The following ATAD1 variants were observed in gnomAD, a reference collection of about 807,000 sequenced individuals.
The protein encoded by ATAD1 is outer mitochondrial transmembrane helix translocase.
A neutral mutation model predicts 42.7 loss-of-function variants in ATAD1; 18 were observed. The observed-to-expected ratio is 0.42, with a 90% CI of 0.29 to 0.63. The LOEUF is 0.63. ATAD1 is among the 20% of genes least tolerant of loss of function. The probability of loss-of-function intolerance (pLI) is 0.19; values close to 1 mark genes in which losing one functional copy is unlikely to be tolerated. For synonymous variants in ATAD1, 132 were observed against 143.1 expected, an observed-to-expected ratio of 0.92 and a Z score of 0.55; for missense variants, 294 against 440.4, an observed-to-expected ratio of 0.67 and a Z score of 2.98.
intron 8 of ATAD1, chr10:87,759,698 T>C (rs1854392500): frequency 5.6e-5 from 25 of 447,398 alleles, no homozygotes; most frequent in South Asian, 3.7e-4. Flanking sequence ...AGAGGTACCA[T>C]ACCCTAATGG....
intron 2 of ATAD1, among the ~76,000 whole-genome samples, chr10:87,799,027 G>A (rs1338094551): frequency 2.0e-5 from 3 of 152,064 alleles, no homozygotes. Flanking sequence ...GAAAATAAAA[G>A]TGCTTGGAAT....
chr10:87,770,249 A>G (rs1854965972), intron 7 of ATAD1, among the ~76,000 whole-genome samples: 1 of 152,174 alleles, frequency 6.6e-6, no homozygotes, highest in African/African-American at 2.4e-5. Context: ...ATGGCAACAC[A>G]TGTAACATGC....
At chr10:87,838,685 A>C (rs960192475) in intron 1 of ATAD1, among the ~76,000 whole-genome samples, 22 of 152,104 alleles carry the variant, frequency 1.4e-4, no homozygotes, top group Admixed American at 1.3e-3. Flanking sequence ...GTGGGGCATC[A>C]TGATGGGATT....
At chr10:87,767,524 C>T (rs1295990194) in intron 8 of ATAD1, 149 bp downstream of exon 8, 4 of 726,424 alleles carry the variant, frequency 5.5e-6, no homozygotes, top group African/African-American at 1.8e-5. Flanking sequence ...CAGTTCCTAA[C>T]AGGCCATAGA....
intron 1 of ATAD1, among the ~76,000 whole-genome samples, chr10:87,829,696 T>C (rs182569946): frequency 6.2e-4 from 94 of 152,334 alleles, no homozygotes; most frequent in African/African-American, 2.2e-3. Context: ...GAGAAGTCAC[T>C]GCAGATGTGG....
intron 1 of ATAD1, among the ~76,000 whole-genome samples, chr10:87,838,757 TCTC>T (rs1274884910): frequency 6.6e-6 from 1 of 152,078 alleles, no homozygotes; most frequent in Non-Finnish European, 1.5e-5. Context: ...TCTCTCTCTC[TCTC>T]CTTTTTGTGA....
chr10:87,766,103 C>A (rs9664653), intron 8 of ATAD1, among the ~76,000 whole-genome samples: 2,414 of 151,892 alleles, frequency 0.016, 63 homozygotes, highest in African/African-American at 0.054. Flanking sequence ...CATGTTGGCA[C>A]GAAGTTCCAT....
chr10:87,781,179 A>G (rs1855543016), intron 5 of ATAD1, among the ~76,000 whole-genome samples: 1 of 152,196 alleles, frequency 6.6e-6, no homozygotes, highest in Non-Finnish European at 1.5e-5. Flanking sequence ...GAAACAAACC[A>G]CTATTAAAAA....
At chr10:87,838,810 G>A (rs1224548152) in intron 1 of ATAD1, among the ~76,000 whole-genome samples, 1 of 152,218 alleles carries the variant, frequency 6.6e-6, no homozygotes, top group East Asian at 1.9e-4. Flanking sequence ...GCCAGAAAGA[G>A]AGGCCTCACC....
intron 1 of ATAD1, among the ~76,000 whole-genome samples, chr10:87,831,896 A>C (rs1171242922): frequency 6.6e-6 from 1 of 152,068 alleles, no homozygotes; most frequent in Non-Finnish European, 1.5e-5. Context: ...AACCTGTAGT[A>C]AGTACTATAA....
intron 6 of ATAD1, among the ~76,000 whole-genome samples, chr10:87,774,000 G>A (rs549494747): frequency 6.6e-6 from 1 of 152,058 alleles, no homozygotes; most frequent in African/African-American, 2.4e-5. Context: ...ATTTATCTAT[G>A]TTATGTTTTT....
At position 87,816,486 on chromosome 10, in the gene ATAD1, C is replaced by G. The variant is rs112891586; in HGVS notation, c.-14+1681G>C. ...GCATTTACTGAACATCTATATATGA[C>G]GCCCACTATATATTGGATATACAAT... On this transcript the variant is annotated intron_variant, in intron 1 of 9. Coordinates refer to ENST00000680024, the MANE Select transcript of ATAD1 (RefSeq NM_001321967.2). Among the ~76,000 whole-genome samples, 1,213 of 152,206 alleles carry G rather than the reference C, an allele frequency of 8.0e-3. 11 individuals carry two copies. Among genetic ancestry groups the G allele is most frequent in the African/African-American group, 0.028 (1,158 of 41,524 alleles).
At chr10:87,788,021 T>A (rs1301728267) in intron 4 of ATAD1, among the ~76,000 whole-genome samples, 2 of 152,210 alleles carry the variant, frequency 1.3e-5, no homozygotes, top group Non-Finnish European at 2.9e-5. Context: ...ATTTTAACTG[T>A]TGTAAATTTT....
chr10:87,796,633 T>C (rs1227561867), intron 2 of ATAD1, among the ~76,000 whole-genome samples: 1 of 152,206 alleles, frequency 6.6e-6, no homozygotes, highest in African/African-American at 2.4e-5. Context: ...TCCCGTGTAC[T>C]CAACCTTGGC....
intron 8 of ATAD1, among the ~76,000 whole-genome samples, chr10:87,758,705 T>A (rs1392071076): frequency 6.6e-6 from 1 of 152,128 alleles, no homozygotes; most frequent in Non-Finnish European, 1.5e-5. Context: ...TTACATCAGA[T>A]TTTTACTCAA....
At chr10:87,794,917 T>C (rs1490902337) in intron 2 of ATAD1, among the ~76,000 whole-genome samples, 1 of 152,196 alleles carries the variant, frequency 6.6e-6, no homozygotes. Flanking sequence ...AGTCCCACTT[T>C]AACAATCTCT....
At chr10:87,833,552 A>G (rs1315890527) in intron 1 of ATAD1, among the ~76,000 whole-genome samples, 1 of 152,118 alleles carries the variant, frequency 6.6e-6, no homozygotes, top group Non-Finnish European at 1.5e-5. Flanking sequence ...CCTGACCTTA[A>G]TGGGTAGAAT....
chr10:87,782,977 A>G, intron 5 of ATAD1, among the ~76,000 whole-genome samples: 1 of 152,012 alleles, frequency 6.6e-6, no homozygotes, highest in Admixed American at 6.6e-5. Flanking sequence ...CAGCCATGAC[A>G]GAGCGTGAAA....
At chr10:87,775,387 C>T (rs1180335291) in intron 6 of ATAD1, among the ~76,000 whole-genome samples, 2 of 139,686 alleles carry the variant, frequency 1.4e-5, no homozygotes, top group Admixed American at 7.5e-5. Flanking sequence ...CACCACTGTA[C>T]TCCAGCCTGG....
Sources: allele counts gnomAD v4.1 joint callset (sites outside exome capture counted in the v4.1 genomes callset), GRCh38; gene constraint gnomAD v4.1.1; transcripts MANE v1.5; gene names NCBI Gene and HGNC (gene_info 2026-07-23, HGNC 2026-07-21).